C2CD2: variants seen among roughly 807,000 people sequenced by gnomAD.
C2CD2 encodes the protein C2 calcium dependent domain containing 2.
Under a neutral mutation model 74.3 loss-of-function variants are expected in C2CD2, and 43 were observed. The ratio of observed to expected loss-of-function variants is 0.58; its 90% CI spans 0.45 to 0.75. C2CD2 has a LOEUF of 0.75. Among genes scored for constraint, C2CD2 ranks in the 30% least tolerant of loss-of-function variants. The pLI is 0.00. For missense variants in C2CD2, 801 were observed against 916.3 expected (o/e 0.87, Z 1.63); for synonymous variants, 422 against 390.7 (o/e 1.08, Z -0.94).
At chr21:41,916,823 G>A (rs999228555) in intron 5 of C2CD2, among the ~76,000 whole-genome samples, 12 of 152,138 alleles carry the variant, frequency 7.9e-5, no homozygotes, top group Admixed American at 1.3e-4. Flanking sequence ...ATGATCGTCT[G>A]GGTCCTATTA....
chr21:41,920,101 G>A (rs2065139287), intron 3 of C2CD2, among the ~76,000 whole-genome samples: 1 of 152,174 alleles, frequency 6.6e-6, no homozygotes, highest in South Asian at 2.1e-4. Context: ...ATGGAACTCA[G>A]TCCCGTAATC....
chr21:41,921,573 T>C (rs2065154350), intron 3 of C2CD2, among the ~76,000 whole-genome samples: 1 of 152,196 alleles, frequency 6.6e-6, no homozygotes, highest in African/African-American at 2.4e-5. Flanking sequence ...TGTCAAAAAC[T>C]GAAAAGAGGA....
At chr21:41,941,735 C>T (rs534969703) in intron 2 of C2CD2, among the ~76,000 whole-genome samples, 2 of 152,268 alleles carry the variant, frequency 1.3e-5, no homozygotes, top group South Asian at 4.1e-4. Flanking sequence ...AAACCTTCAA[C>T]CCATCAGCAG....
rs1269492831 is a variant in C2CD2 at position 41,926,993 on chromosome 21, A to C, written c.379-4908T>G. On this transcript the variant is annotated intron_variant, in intron 2 of 13. Transcript: ENST00000380486. This position sits in a 1 kb window ranked among gnomAD's most constrained non-coding sequence, Gnocchi z 8.0. Reference sequence around the variant, plus strand: ...TTTCCCCACTCTGCAAGCGAGTCTCACCTCTGTAAATATCCTTTAAGACAG... The same window carrying C: ...TTTCCCCACTCTGCAAGCGAGTCTCCCCTCTGTAAATATCCTTTAAGACAG... Among the ~76,000 whole-genome samples, 1 of 152,124 alleles carries C rather than the reference A, an allele frequency of 6.6e-6. No homozygotes were observed. The highest frequency in any genetic ancestry group is 1.5e-5 in the Non-Finnish European group (1 of 68,008).
intron 11 of C2CD2, among the ~76,000 whole-genome samples, chr21:41,902,755 G>A (rs551078329): frequency 2.0e-5 from 3 of 152,194 alleles, no homozygotes; most frequent in African/African-American, 7.2e-5. Context: ...ATAATAAATA[G>A]ATACTTGGTC....
intron 7 of C2CD2, among the ~76,000 whole-genome samples, chr21:41,910,100 C>A (rs1198355055): frequency 6.6e-6 from 1 of 151,888 alleles, no homozygotes; most frequent in East Asian, 1.9e-4. Flanking sequence ...CCCCAACGTG[C>A]TGGGATTACA....
At chr21:41,944,578 A>G (rs1280497747) in intron 1 of C2CD2, among the ~76,000 whole-genome samples, 1 of 151,870 alleles carries the variant, frequency 6.6e-6, no homozygotes. Flanking sequence ...CTTAAGGTCA[A>G]GGGATGGTCT....
intron 3 of C2CD2, 45 bp from the exon 4 acceptor site, chr21:41,919,005 C>T (rs768052014): frequency 3.6e-6 from 5 of 1,391,454 alleles, no homozygotes; most frequent in Middle Eastern, 3.5e-4. Flanking sequence ...TCCACCAAAG[C>T]CTTAATGTGC....
At chr21:41,943,646 C>T (rs973930080) in intron 1 of C2CD2, among the ~76,000 whole-genome samples, 2 of 152,152 alleles carry the variant, frequency 1.3e-5, no homozygotes, top group African/African-American at 2.4e-5. Context: ...AGAGGGGAAG[C>T]GGTGTAAAAC....
In C2CD2 at chr21:41,889,069, G is replaced by T. The variant is rs1821610368; in HGVS notation, c.*55C>A. The T allele has an allele frequency of 4.5e-6, 6 of 1,325,104 alleles. No individual in the cohort carries two copies. The highest frequency in any genetic ancestry group is 5.4e-6 in the Non-Finnish European group (5 of 921,744). 82.1% of individuals were successfully genotyped at this position (1,325,104 alleles called of 1,614,324 possible). ...GCGGACACACTGGCTGCGTCCTGGT[G>T]AGGGTAGTTAACATGGGTGCACGTC... is the stretch of plus-strand genomic sequence containing the variant. On this transcript the variant is annotated 3_prime_UTR_variant, in exon 14 of 14. Coordinates refer to ENST00000380486, the MANE Select transcript of C2CD2 (RefSeq NM_015500.2).
rs1056587743 is a variant in C2CD2 at position 41,901,173 on chromosome 21, C to T, written c.1560+449G>A. The T allele has an allele frequency of 2.7e-5, 7 of 257,692 alleles. No homozygotes were observed. In the East Asian group the frequency reaches 2.9e-4, roughly 11 times the overall value. The allele number at this position is 257,692 out of a possible 1,614,324, so 16.0% of individuals were successfully genotyped here. On this transcript the variant is annotated intron_variant, in intron 12 of 13. Transcript: ENST00000380486. ...GGGGAGAAAGGGAGTGCGGTGTCCA[C>T]GGGGGACACTACAATGTTCATTTCT...
At chr21:41,905,679 C>G (rs1035918071) in intron 11 of C2CD2, 45 bp downstream of exon 11, 1 of 1,026,920 alleles carries the variant, frequency 9.7e-7, no homozygotes, top group Non-Finnish European at 1.5e-6. Context: ...CCCAAAAGGC[C>G]CAAAGGTGCT....
At chr21:41,940,294 A>G (rs2065344111) in intron 2 of C2CD2, among the ~76,000 whole-genome samples, 2 of 152,214 alleles carry the variant, frequency 1.3e-5, no homozygotes, top group Non-Finnish European at 2.9e-5. Context: ...AACTACAAAG[A>G]AAAGAACTAC....
chr21:41,918,257 G>T (rs753076352), intron 4 of C2CD2, 30 bp from the exon 5 acceptor site: 1 of 1,610,476 alleles, frequency 6.2e-7, no homozygotes, highest in African/African-American at 1.3e-5. Context: ...TTGACAAATC[G>T]CCTTTGCAAG....
rs773992402 is a variant in C2CD2, at chr21:41,895,006, C to G, written c.1870+4047G>C. The stretch of plus-strand genomic sequence containing the variant: ...CTGGCTGCAGCACCCGGAGATTCAA[C>G]AGAACACGCACTGAGGTGCGGCTGG... On this transcript the variant is annotated intron_variant, in intron 13 of 13. Transcript: ENST00000380486. The surrounding 1 kb of genome is among the most constrained non-coding windows in gnomAD (Gnocchi z 5.0). 3 of 455,520 alleles carry G rather than the reference C, an allele frequency of 6.6e-6. No individual in the cohort carries two copies. The highest frequency in any genetic ancestry group is 1.3e-5 in the Non-Finnish European group (3 of 226,274). 28.2% of individuals were successfully genotyped at this position (455,520 alleles called of 1,614,324 possible). A position where few individuals can be genotyped will look rare whatever the true frequency, so the allele number is the denominator to read the frequency against.
chr21:41,935,480 T>C (rs1283255398), intron 2 of C2CD2, among the ~76,000 whole-genome samples: 1 of 152,206 alleles, frequency 6.6e-6, no homozygotes, highest in Admixed American at 6.5e-5. Context: ...CATGGCAGCC[T>C]GAGGTCTGAA....
intron 9 of C2CD2, 71 bp from the exon 10 acceptor site, chr21:41,907,237 G>T: frequency 8.5e-7 from 1 of 1,177,212 alleles, no homozygotes; most frequent in Non-Finnish European, 1.3e-6. Flanking sequence ...AGGTAACACT[G>T]CCTTCTTGTG....
intron 1 of C2CD2, among the ~76,000 whole-genome samples, chr21:41,949,975 C>T (rs2065436669): frequency 6.6e-6 from 1 of 152,094 alleles, no homozygotes; most frequent in Non-Finnish European, 1.5e-5. Context: ...ACATCACACA[C>T]CAGGGCCTGT....
intron 2 of C2CD2, among the ~76,000 whole-genome samples, chr21:41,933,488 G>A (rs899473182): frequency 6.6e-6 from 1 of 152,148 alleles, no homozygotes; most frequent in African/African-American, 2.4e-5. Flanking sequence ...TTTAACGCAC[G>A]AACATTAAGC....
Sources: gnomAD v4.1 joint callset for allele counts (sites outside exome capture counted in the v4.1 genomes callset) on GRCh38, gnomAD v4.1.1 for gene constraint, Gnocchi (gnomAD v3.1) non-coding constraint, MANE v1.5 for transcripts, NCBI Gene and HGNC (gene_info 2026-07-23, HGNC 2026-07-21) for gene names.